Variants in EYS observed in about 807,000 individuals in gnomAD.
EYS encodes the protein protein eyes shut homolog.
In EYS, 250 loss-of-function variants were observed where a neutral mutation model predicts 282.1. That is an observed-to-expected ratio of 0.89 (90% CI 0.80 to 0.98). The LOEUF is 0.98. Among genes scored for constraint, EYS ranks in the 50% least tolerant of loss-of-function variants. The probability of loss-of-function intolerance (pLI) is 0.00; values close to 1 mark genes in which losing one functional copy is unlikely to be tolerated. For missense variants in EYS, 4,016 were observed against 3,709.0 expected (o/e 1.08, Z -2.15); for synonymous variants, 1,355 against 1,282.9 (o/e 1.06, Z -1.20).
intron 31 of EYS, among the ~76,000 whole-genome samples, chr6:64,107,526 T>C (rs554902274): frequency 6.6e-6 from 1 of 151,828 alleles, no homozygotes; most frequent in East Asian, 1.9e-4. Context: ...ACCTTATATG[T>C]GCTGGCAGCT....
intron 29 of EYS, among the ~76,000 whole-genome samples, chr6:64,311,945 C>A (rs149516693): frequency 6.7e-6 from 1 of 150,352 alleles, no homozygotes; most frequent in African/African-American, 2.5e-5. Context: ...AACTGGGCAG[C>A]CTTTTGGGGA....
intron 35 of EYS, among the ~76,000 whole-genome samples, chr6:63,927,221 C>T (rs975210519): frequency 3.9e-5 from 6 of 152,128 alleles, no homozygotes; most frequent in Admixed American, 6.5e-5. Context: ...TAGGAATAAA[C>T]GAGATTATCT....
chr6:65,618,519 T>C (rs1164543975), intron 2 of EYS, among the ~76,000 whole-genome samples: 1 of 152,216 alleles, frequency 6.6e-6, no homozygotes, highest in Non-Finnish European at 1.5e-5. Context: ...TTCACTCTGA[T>C]GGTAGTTTCT....
intron 33 of EYS, among the ~76,000 whole-genome samples, chr6:64,053,251 G>T (rs1196775183): frequency 2.6e-5 from 4 of 151,730 alleles, no homozygotes; most frequent in Non-Finnish European, 5.9e-5. Context: ...TAGAAAAATG[G>T]CAGTCATATA....
chr6:65,183,428 GTTATT>G (rs781216811), intron 12 of EYS, among the ~76,000 whole-genome samples: 3 of 151,940 alleles, frequency 2.0e-5, no homozygotes, highest in African/African-American at 4.8e-5. Context: ...CAATTTCGGA[GTTATT>G]TTGAGTTTCT....
At chr6:65,120,652 T>C (rs929190292) in intron 12 of EYS, among the ~76,000 whole-genome samples, 4 of 152,218 alleles carry the variant, frequency 2.6e-5, no homozygotes, top group Non-Finnish European at 4.4e-5. Flanking sequence ...CCAGTGCTGC[T>C]GGTCCATGGA....
At chr6:65,511,341 CTG>C (rs202062196) in intron 2 of EYS, among the ~76,000 whole-genome samples, 19,159 of 147,374 alleles carry the variant, frequency 0.13, 1,945 homozygotes, top group African/African-American at 0.28. Flanking sequence ...CAAATGCATT[CTG>C]TGTGTGTGTG....
intron 26 of EYS, among the ~76,000 whole-genome samples, chr6:64,548,829 A>G (rs898830619): frequency 8.5e-6 from 1 of 117,034 alleles, no homozygotes; most frequent in Non-Finnish European, 2.0e-5. Context: ...AAAGTATAAT[A>G]AAAAAAAAAG....
chr6:64,010,212 C>A (rs1768544894), intron 33 of EYS, among the ~76,000 whole-genome samples: 1 of 152,218 alleles, frequency 6.6e-6, no homozygotes, highest in South Asian at 2.1e-4. Flanking sequence ...GTGGCAGCAG[C>A]AGGATCTGTG....
chr6:65,102,901 T>A (rs1228523426), intron 12 of EYS, among the ~76,000 whole-genome samples: 1 of 151,448 alleles, frequency 6.6e-6, no homozygotes, highest in African/African-American at 2.4e-5. Context: ...TAAATTAGTT[T>A]TCTTTAAATT....
chr6:64,031,330 C>T (rs541701480), intron 33 of EYS, among the ~76,000 whole-genome samples: 10 of 152,342 alleles, frequency 6.6e-5, no homozygotes, highest in South Asian at 2.1e-4. Flanking sequence ...CAATTTCTCG[C>T]CAGGCCTTAG....
At chr6:63,949,449 C>A (rs1202848992) in intron 35 of EYS, among the ~76,000 whole-genome samples, 1 of 152,012 alleles carries the variant, frequency 6.6e-6, no homozygotes, top group East Asian at 1.9e-4. Context: ...TTCAGTGGTC[C>A]CTTTCTCTGG....
intron 22 of EYS, among the ~76,000 whole-genome samples, chr6:64,724,914 A>G (rs1771703711): frequency 6.6e-6 from 1 of 150,980 alleles, no homozygotes; most frequent in Non-Finnish European, 1.5e-5. Context: ...CTTAATCTCA[A>G]AATCTTTTCT....
At chr6:64,977,334 A>G (rs1770502702) in intron 14 of EYS, among the ~76,000 whole-genome samples, 1 of 151,924 alleles carries the variant, frequency 6.6e-6, no homozygotes, top group African/African-American at 2.4e-5. Flanking sequence ...TTACTATTGA[A>G]GTTACTTTGG....
At chr6:64,746,629 T>C (rs1181417709) in intron 22 of EYS, among the ~76,000 whole-genome samples, 1 of 152,218 alleles carries the variant, frequency 6.6e-6, no homozygotes, top group African/African-American at 2.4e-5. Flanking sequence ...ACTGGATGTC[T>C]AGTATCCATC....
chr6:65,020,670 G>A (rs541834874), intron 13 of EYS, among the ~76,000 whole-genome samples: 2 of 152,280 alleles, frequency 1.3e-5, no homozygotes, highest in South Asian at 4.1e-4. Flanking sequence ...GCTCCAGTGG[G>A]GATTCTGTGT....
At chr6:64,907,545 A>G (rs1458318858) in intron 16 of EYS, among the ~76,000 whole-genome samples, 1 of 152,226 alleles carries the variant, frequency 6.6e-6, no homozygotes, top group Non-Finnish European at 1.5e-5. Flanking sequence ...GAGGGATACC[A>G]GACAGTTCAC....
At chr6:65,145,134 A>G (rs1764444990) in intron 12 of EYS, among the ~76,000 whole-genome samples, 1 of 151,862 alleles carries the variant, frequency 6.6e-6, no homozygotes, top group African/African-American at 2.4e-5. Flanking sequence ...TTTATTTTTT[A>G]TTACACAGAA....
intron 35 of EYS, among the ~76,000 whole-genome samples, chr6:63,940,302 C>T (rs1390098046): frequency 6.6e-6 from 1 of 151,438 alleles, no homozygotes; most frequent in Non-Finnish European, 1.5e-5. Flanking sequence ...ATGAACACAA[C>T]ATAAAACCAT....
Sources: allele counts gnomAD v4.1 joint callset (sites outside exome capture counted in the v4.1 genomes callset), GRCh38; gene constraint gnomAD v4.1.1; transcripts MANE v1.5; gene names NCBI Gene and HGNC (gene_info 2026-07-23, HGNC 2026-07-21).